Variants in RBFOX1 observed in about 807,000 individuals in gnomAD.
The protein encoded by RBFOX1 is RNA binding fox-1 homolog 1.
A neutral mutation model predicts 57.7 loss-of-function variants in RBFOX1; 8 were observed. The observed-to-expected ratio is 0.14, with a 90% confidence interval of 0.08 to 0.25. The LOEUF (loss-of-function observed/expected upper bound fraction) is 0.25, where lower values mean the gene tolerates loss of function less well. Among genes scored for constraint, RBFOX1 ranks in the 10% least tolerant of loss-of-function variants. The pLI is 1.00. For synonymous variants in RBFOX1, 326 were observed against 222.4 expected (o/e 1.47, Z -4.15); for missense variants, 611 against 548.5 (o/e 1.11, Z -1.14).
chr16:6,755,268 T>A (rs930787980), intron 3 of RBFOX1, among the ~76,000 whole-genome samples: 2 of 152,176 alleles, frequency 1.3e-5, no homozygotes, highest in African/African-American at 4.8e-5. Flanking sequence ...GATCCCTGAG[T>A]AATCGCCACA....
At chr16:7,265,958 GTTTTTGTTTTTTTTTT>G (rs1335918350) in intron 4 of RBFOX1, among the ~76,000 whole-genome samples, 5 of 107,604 alleles carry the variant, frequency 4.6e-5, no homozygotes, top group African/African-American at 1.8e-4. Flanking sequence ...GATCTGGTGG[GTTTTTGTTTTTTTTTT>G]TTTTTTTTTT....
intron 3 of RBFOX1, among the ~76,000 whole-genome samples, chr16:5,672,410 C>T (rs1596683982): frequency 6.6e-6 from 1 of 152,112 alleles, no homozygotes. Flanking sequence ...CCTCCTGCTC[C>T]AGGGCCTTTG....
At chr16:7,219,749 C>A (rs117110495) in intron 4 of RBFOX1, among the ~76,000 whole-genome samples, 2,132 of 152,266 alleles carry the variant, frequency 0.014, 25 homozygotes, top group South Asian at 0.043. Context: ...GGAATGACTC[C>A]ATTCCTTTTA....
intron 4 of RBFOX1, among the ~76,000 whole-genome samples, chr16:7,263,358 G>A (rs2094997359): frequency 6.6e-6 from 1 of 152,102 alleles, no homozygotes; most frequent in African/African-American, 2.4e-5. Flanking sequence ...GAATTTCGAT[G>A]TTCTCAGGAA....
At chr16:5,464,870 G>C (rs2151604769) in intron 1 of RBFOX1, among the ~76,000 whole-genome samples, 1 of 152,286 alleles carries the variant, frequency 6.6e-6, no homozygotes, top group Non-Finnish European at 1.5e-5. Context: ...TGTGGCTCTA[G>C]GAGCCCAGGA....
chr16:5,839,633 C>G (rs969873395), intron 3 of RBFOX1, among the ~76,000 whole-genome samples: 1 of 152,154 alleles, frequency 6.6e-6, no homozygotes, highest in East Asian at 1.9e-4. Context: ...GGTTCCGGGA[C>G]TAGTTCAACA....
Position 6,176,313 on chromosome 16 carries a change from A to ATTTT in RBFOX1, c.-126-140660_-126-140657dup, listed in dbSNP as rs34667158. ...GGTGCCCACCGCCATGCCTGACCAA[A>ATTTT]TTTTTTTTTTTTTTTTTTTTTTTTT... is the stretch of plus-strand genomic sequence containing the variant. On this transcript the variant is annotated intron_variant, in intron 1 of 15. Coordinates refer to ENST00000550418, the MANE Select transcript of RBFOX1 (RefSeq NM_018723.4). 3.7e-3 allele frequency among the ~76,000 whole-genome samples: 350 copies of ATTTT among 95,218 alleles called. 8 individuals carry two copies. The highest frequency in any genetic ancestry group is 8.2e-3 in the African/African-American group (177 of 21,634). The allele number at this position is 95,218 out of a possible 152,430, so 62.5% of individuals were successfully genotyped here. A position where few individuals can be genotyped will look rare whatever the true frequency, so the allele number is the denominator to read the frequency against.
chr16:7,640,925 A>G (rs2062681462), intron 11 of RBFOX1, among the ~76,000 whole-genome samples: 1 of 149,682 alleles, frequency 6.7e-6, no homozygotes, highest in Admixed American at 6.7e-5. Flanking sequence ...AAAGGAATCC[A>G]TTTTACATTC....
intron 1 of RBFOX1, among the ~76,000 whole-genome samples, chr16:5,443,730 T>C (rs1304033057): frequency 1.3e-5 from 2 of 152,234 alleles, no homozygotes; most frequent in Non-Finnish European, 2.9e-5. Flanking sequence ...GGGACCCCTT[T>C]AAGCTTTTGC....
chr16:6,855,096 G>A (rs1416200361), intron 3 of RBFOX1, among the ~76,000 whole-genome samples: 1 of 152,068 alleles, frequency 6.6e-6, no homozygotes, highest in East Asian at 1.9e-4. Context: ...AGAAGAGAAG[G>A]ATGCTATGTA....
chr16:6,548,443 G>C (rs1350525904), intron 2 of RBFOX1, among the ~76,000 whole-genome samples: 1 of 152,140 alleles, frequency 6.6e-6, no homozygotes, highest in Admixed American at 6.5e-5. Flanking sequence ...GGCACAACCA[G>C]CATAGAATTA....
At chr16:7,016,922 G>C (rs1459624074) in intron 3 of RBFOX1, among the ~76,000 whole-genome samples, 1 of 152,034 alleles carries the variant, frequency 6.6e-6, no homozygotes, top group East Asian at 1.9e-4. Context: ...TCCCTCACTG[G>C]CATTTTGGTA....
intron 1 of RBFOX1, among the ~76,000 whole-genome samples, chr16:6,213,370 C>T (rs2097310952): frequency 6.6e-6 from 1 of 152,068 alleles, no homozygotes; most frequent in Non-Finnish European, 1.5e-5. Context: ...CAGTGGGTAA[C>T]AGATTTCTGA....
chr16:7,127,655 G>C (rs1388942043), intron 4 of RBFOX1, among the ~76,000 whole-genome samples: 1 of 152,144 alleles, frequency 6.6e-6, no homozygotes, highest in Non-Finnish European at 1.5e-5. Flanking sequence ...GTGTGGTGAT[G>C]ATTTCAAGTT....
At chr16:5,371,520 C>G (rs1325762875) in intron 1 of RBFOX1, among the ~76,000 whole-genome samples, 1 of 152,202 alleles carries the variant, frequency 6.6e-6, no homozygotes, top group South Asian at 2.1e-4. Flanking sequence ...TAAGCCACCC[C>G]ACCTGTGACA....
chr16:5,874,188 C>G (rs896713849), intron 4 of RBFOX1, among the ~76,000 whole-genome samples: 1 of 152,134 alleles, frequency 6.6e-6, no homozygotes, highest in Non-Finnish European at 1.5e-5. Flanking sequence ...ATGTGGATGT[C>G]TTAGGAGTAA....
chr16:7,390,163 A>G (rs977437536), intron 4 of RBFOX1, among the ~76,000 whole-genome samples: 2 of 152,150 alleles, frequency 1.3e-5, no homozygotes, highest in Non-Finnish European at 1.5e-5. Context: ...CTCTATCAAA[A>G]GAACAGCAAG....
intron 2 of RBFOX1, among the ~76,000 whole-genome samples, chr16:6,594,586 A>G (rs1003441009): frequency 2.0e-5 from 3 of 152,154 alleles, no homozygotes; most frequent in Admixed American, 6.5e-5. Flanking sequence ...CTGTTTTTCA[A>G]TTATGGGCAA....
chr16:6,635,758 C>G (rs1369026954), intron 2 of RBFOX1, among the ~76,000 whole-genome samples: 1 of 151,960 alleles, frequency 6.6e-6, no homozygotes, highest in Non-Finnish European at 1.5e-5. Context: ...TTTATTTTAC[C>G]CAACATAAAC....
Sources: allele counts gnomAD v4.1 joint callset (sites outside exome capture counted in the v4.1 genomes callset), GRCh38; gene constraint gnomAD v4.1.1; transcripts MANE v1.5; gene names NCBI Gene and HGNC (gene_info 2026-07-23, HGNC 2026-07-21).